SPTBN5: variants seen among roughly 807,000 people sequenced by gnomAD.
The protein encoded by SPTBN5 is spectrin beta chain, non-erythrocytic 5.
A neutral mutation model predicts 477.6 loss-of-function variants in SPTBN5; 513 were observed. That is an observed-to-expected ratio of 1.07 (90% CI 1.00 to 1.16). SPTBN5 has a LOEUF of 1.16. Among genes scored for constraint, SPTBN5 ranks in the 50% most tolerant of loss-of-function variants. The pLI is 0.00. For synonymous variants in SPTBN5, 2,169 were observed against 2,011.7 expected (o/e 1.08, Z -2.09); for missense variants, 5,062 against 4,731.8 (o/e 1.07, Z -2.05).
At chr15:41,865,782 AC>A (rs1567199444) in intron 39 of SPTBN5, 25 bp downstream of exon 39, 1 of 1,542,238 alleles carries the variant, frequency 6.5e-7, no homozygotes, top group Non-Finnish European at 8.8e-7. Context: ...TGCATGGCCA[AC>A]CTCTACCCAG....
At chr15:41,881,501 C>T (rs1454740656) in intron 12 of SPTBN5, among the ~76,000 whole-genome samples, 1 of 152,124 alleles carries the variant, frequency 6.6e-6, no homozygotes, top group African/African-American at 2.4e-5. Context: ...CCAAGCTATA[C>T]GTGTTTTAAA....
intron 2 of SPTBN5, 94 bp downstream of exon 2, chr15:41,893,188 A>G: frequency 6.3e-7 from 1 of 1,584,036 alleles, no homozygotes; most frequent in Non-Finnish European, 8.6e-7. Flanking sequence ...GCTTGGCCTC[A>G]GGCAGATGAC....
rs779291221 is a variant in SPTBN5, at chr15:41,856,494, G to A, written c.8913C>T (p.Ala2971=). The change falls in exon 53 of 68, where the codon GCC becomes GCT. Residue 2971 remains alanine, a synonymous_variant. Transcript: ENST00000320955. ...QAGHFAAHEV[A]ARVQQLEKAM... ...CCTTCTCCAGCTGCTGCACCCGGGC[G>A]GCCACCTCGTGGGCGGCAAAGTGCC... is the stretch of plus-strand genomic sequence containing the variant. The A allele has an allele frequency of 8.8e-6, 14 of 1,597,592 alleles. No individual in the cohort carries two copies. Among genetic ancestry groups the A allele is most frequent in the East Asian group, 4.5e-5 (2 of 43,960 alleles).
intron 14 of SPTBN5, 57 bp downstream of exon 14, chr15:41,880,103 G>T: frequency 6.6e-7 from 1 of 1,524,400 alleles, no homozygotes; most frequent in South Asian, 1.3e-5. Flanking sequence ...CACAGCAGCA[G>T]ACCACAGGGA....
intron 57 of SPTBN5, 25 bp from the exon 58 acceptor site, chr15:41,853,812 C>T: frequency 6.5e-7 from 1 of 1,531,070 alleles, no homozygotes. Flanking sequence ...TGAGATCAGG[C>T]CTCAGTCCCC....
rs1213662237 is a variant in SPTBN5 at position 41,863,761 on chromosome 15, C to T, written c.7092G>A (p.Leu2364=). ...GCTCTCGGGACAACACGTGTATCTCCAAGGCCCCTTCGAGCTGCTGCTGGT... is the reference window on the plus strand; with the variant it reads ...GCTCTCGGGACAACACGTGTATCTCTAAGGCCCCTTCGAGCTGCTGCTGGT... ...LRYQQQLEGA[L]EIHVLSRELD... The change falls in exon 41 of 68, where the codon TTG becomes TTA. Residue 2364 remains leucine (L), a synonymous_variant. Transcript: ENST00000320955. 2 of 1,613,692 alleles carry T rather than the reference C, an allele frequency of 1.2e-6. No individual in the cohort carries two copies. The highest frequency in any genetic ancestry group is 4.5e-5 in the East Asian group (2 of 44,890).
rs1288989407 is a variant in SPTBN5, at chr15:41,885,886, C to G, written c.1369G>C (p.Ala457Pro). 1 of 1,582,078 alleles carries G rather than the reference C, an allele frequency of 6.3e-7. No individual in the cohort carries two copies. The highest frequency in any genetic ancestry group is 1.3e-5 in the African/African-American group (1 of 74,282). Residue 457 changes from alanine (A) to proline (P), a missense_variant, in exon 7 of 68, where the codon GCC becomes CCC. Physicochemically the swap from Ala to Pro is conservative, Grantham distance 27. Transcript: ENST00000320955. ...GCTGCCTCCACTGTGGCCAGGCTGG[C>G]TGGCGGGGCTCTGGCCTGGTCTAGC... ...QVLDQARAPP[A>P]SLATVEAAVQ...
At chr15:41,861,301 G>A in intron 46 of SPTBN5, 118 bp downstream of exon 46, 3 of 847,308 alleles carry the variant, frequency 3.5e-6, no homozygotes, top group Admixed American at 3.9e-5. Flanking sequence ...CCAGGGTGGG[G>A]AGATGGCCCC....
In SPTBN5 at chr15:41,881,941, A is replaced by G; in HGVS notation, c.2452T>C (p.Phe818Leu). 6.5e-7 allele frequency: 1 copy of G among 1,528,616 alleles called. No homozygotes were observed. The highest frequency in any genetic ancestry group is 8.7e-7 in the Non-Finnish European group (1 of 1,146,666). The allele number at this position is 1,528,616 out of a possible 1,614,324, so 94.7% of individuals were successfully genotyped here. ...TTCCCTGTCCCCGTCCTCACCGTGA[A>G]TAACGACGCCCGGGCCGAGGCCGCC... ...GRAASARASL[F>L]TVNSALSPPG... The change falls in exon 12 of 68, where the codon TTC becomes CTC. Residue 818 changes from phenylalanine to leucine, a missense_variant. Physicochemically the swap from Phe to Leu is conservative, Grantham distance 22. Coordinates refer to ENST00000320955, the MANE Select transcript of SPTBN5 (RefSeq NM_016642.4).
At position 41,878,453 on chromosome 15, in the gene SPTBN5, C is replaced by G; in HGVS notation, c.3359G>C (p.Ser1120Thr). The G allele has an allele frequency of 6.2e-7, 1 of 1,613,678 alleles. No homozygotes were observed. The change falls in exon 17 of 68, where the codon AGT becomes ACT. Residue 1120 changes from serine to threonine, a missense_variant. By Grantham distance (58) the Ser-to-Thr change is moderately conservative. Coordinates refer to ENST00000320955, the MANE Select transcript of SPTBN5 (RefSeq NM_016642.4). The part of the protein sequence containing the change: ...ESQQLLLWAE[S>T]VQAQLRSKEV... ...CTTGCTGCGCAGCTGAGCCTGGACA[C>G]TCTCTGCCCACAGTAGCAGTTGCTG...
At position 41,848,575 on chromosome 15, in the gene SPTBN5, C is replaced by CGCTTGTGCCCCTGAAGTTT. The variant is rs2065633338; in HGVS notation, c.*22_*40dup. The CGCTTGTGCCCCTGAAGTTT allele has an allele frequency of 6.2e-7, 1 of 1,613,238 alleles. No individual in the cohort carries two copies. Among genetic ancestry groups the CGCTTGTGCCCCTGAAGTTT allele is most frequent in the Admixed American group, 1.7e-5 (1 of 60,010 alleles). The stretch of plus-strand genomic sequence containing the variant: ...TATTCTGGTCCCTTAGATGTGTCCT[C>CGCTTGTGCCCCTGAAGTTT]GCTTGTGCCCCTGAAGTTTGGTGTT... On this transcript the variant is annotated 3_prime_UTR_variant, in exon 68 of 68. Transcript: ENST00000320955.
At position 41,869,636 on chromosome 15, in the gene SPTBN5, C is replaced by G. The variant is rs1012242209; in HGVS notation, c.5853+205G>C. Among the ~76,000 whole-genome samples, 17 of 152,380 alleles carry G rather than the reference C, an allele frequency of 1.1e-4. No homozygotes were observed. The South Asian group carries it at 1.4e-3, about 13-fold the overall frequency. The stretch of plus-strand genomic sequence containing the variant: ...TGCCCTGCCACTCACCTTGCTGGCA[C>G]TGACCCAGACCCTAAGGTGTCACTG... On this transcript the variant is annotated intron_variant, in intron 32 of 67. Transcript: ENST00000320955.
Position 41,855,618 on chromosome 15 carries a change from G to A in SPTBN5, c.9149C>T (p.Ala3050Val), listed in dbSNP as rs376374505. 71 of 1,610,932 alleles carry A rather than the reference G, an allele frequency of 4.4e-5. No homozygotes were observed. The Middle Eastern group carries it at 9.9e-4, about 22-fold the overall frequency. ...CAGCCGCTCGATGCGTGGGCTGAACGCTTCCAGGTCTCTCTTGGTGGCCTC... is the reference window on the plus strand; with the variant it reads ...CAGCCGCTCGATGCGTGGGCTGAACACTTCCAGGTCTCTCTTGGTGGCCTC... ...RLEATKRDLEAFSPRIERLQQ... is the reference protein window; with the variant it reads ...RLEATKRDLEVFSPRIERLQQ... The change falls in exon 54 of 68, where the codon GCG becomes GTG. Residue 3050 changes from alanine to valine, a missense_variant. Ala to Val is a moderately conservative substitution (Grantham distance 64). Coordinates refer to ENST00000320955, the MANE Select transcript of SPTBN5 (RefSeq NM_016642.4).
Position 41,866,977 on chromosome 15 carries a change from G to A in SPTBN5, c.6462C>T (p.Phe2154=). The A allele has an allele frequency of 1.3e-6, 2 of 1,574,232 alleles. No homozygotes were observed. The highest frequency in any genetic ancestry group is 1.8e-5 in the Admixed American group (1 of 54,682). ...CTCTGACCTGGGTTGCGGCCTGGGT[G>A]AAGCTGGCCATCAGCAGGGAGGCAT... ...ALHASLLMAS[F]TQAATQAEDW... is the part of the protein sequence containing the mutation. Residue 2154 remains phenylalanine, a synonymous_variant, in exon 36 of 68, where the codon TTC becomes TTT. Coordinates refer to ENST00000320955, the MANE Select transcript of SPTBN5 (RefSeq NM_016642.4).
Position 41,863,704 on chromosome 15 carries a change from C to G in SPTBN5, c.7149G>C (p.Lys2383Asn). The G allele has an allele frequency of 6.2e-7, 1 of 1,612,476 alleles. No homozygotes were observed. Among genetic ancestry groups the G allele is most frequent in the Non-Finnish European group, 8.5e-7 (1 of 1,179,080 alleles). ...ACCGGGACCTCTTTCCACCACGTAC[C>G]TTCTCCTGAATCCTCTTGGTGACAT... ...LDNVTKRIQE[K>N]EALIQALDCG... is the part of the protein sequence containing the mutation. Residue 2383 changes from lysine (K) to asparagine (N), a missense_variant and splice_region_variant, in exon 41 of 68, where the codon AAG becomes AAC. By Grantham distance (94) the Lys-to-Asn change is moderately conservative. Coordinates refer to ENST00000320955, the MANE Select transcript of SPTBN5 (RefSeq NM_016642.4).
chr15:41,854,162 G>T lies in SPTBN5; in HGVS notation c.9662C>A (p.Ala3221Glu). 1 of 1,598,690 alleles carries T rather than the reference G, an allele frequency of 6.3e-7. No homozygotes were observed. The highest frequency in any genetic ancestry group is 1.7e-5 in the Admixed American group (1 of 58,452). Residue 3221 changes from alanine to glutamate, a missense_variant, in exon 57 of 68, where the codon GCA becomes GAA. Transcript: ENST00000320955. ...CTGCATCCTTCCCTGGAGCTCAGCT[G>T]CTGCCTGCTGAAAGCTGTGGACCTC... The part of the protein sequence containing the change: ...AHEVHSFQQA[A>E]AELQGRMQEK...
Position 41,880,196 on chromosome 15 carries a change from C to T in SPTBN5, c.2775G>A (p.Gln925=), listed in dbSNP as rs1460197684. The T allele has an allele frequency of 6.2e-7, 1 of 1,606,244 alleles. No individual in the cohort carries two copies. Among genetic ancestry groups the T allele is most frequent in the South Asian group, 1.1e-5 (1 of 89,552 alleles). The change falls in exon 14 of 68, where the codon CAG becomes CAA. Residue 925 remains glutamine (Q), a synonymous_variant. Transcript: ENST00000320955. ...GCTGCATGACCTCCAGGGTGTCAGC[C>T]TGGGGCTGCACCCTTTGGAGCAGCA... ...QTVLLQRVQP[Q]ADTLEVMQLK...
chr15:41,849,910 A>G lies in SPTBN5; in HGVS notation c.10971T>C (p.Asn3657=). The change falls in exon 67 of 68, where the codon AAT becomes AAC. Residue 3657 remains asparagine (N), a synonymous_variant. Coordinates refer to ENST00000320955, the MANE Select transcript of SPTBN5 (RefSeq NM_016642.4). ...GCCGGGCATCCTTGGTCGTGCACTC[A>G]TTCAGAGAGCTGACAGGTTTGGCTT... is the stretch of plus-strand genomic sequence containing the variant. The part of the protein sequence containing the change: ...KLKAKPVSSL[N]ECTTKDARPG... 6.3e-7 allele frequency: 1 copy of G among 1,595,894 alleles called. No homozygotes were observed. The highest frequency in any genetic ancestry group is 8.5e-7 in the Non-Finnish European group (1 of 1,170,980).
rs1271638431 is a variant in SPTBN5 at position 41,866,146 on chromosome 15, C to T, written c.6714G>A (p.Glu2238=). 6.4e-7 allele frequency: 1 copy of T among 1,562,170 alleles called. No individual in the cohort carries two copies. The highest frequency in any genetic ancestry group is 2.4e-5 in the East Asian group (1 of 41,892). The change falls in exon 38 of 68, where the codon GAG becomes GAA. Residue 2238 remains glutamate, a synonymous_variant. Transcript: ENST00000320955. The stretch of plus-strand genomic sequence containing the variant: ...TGAGGGCCATTGCCTGCCTCAGGTC[C>T]TCCCAGTGCTTCCGCAGGCCCTGCA... The part of the protein sequence containing the change: ...QRLQGLRKHW[E]DLRQAMALRG...
Sources: gnomAD v4.1 joint callset for allele counts (sites outside exome capture counted in the v4.1 genomes callset) on GRCh38, gnomAD v4.1.1 for gene constraint, MANE v1.5 for transcripts, NCBI Gene and HGNC (gene_info 2026-07-23, HGNC 2026-07-21) for gene names.